RC3H2: variants seen among roughly 807,000 people sequenced by gnomAD.
RC3H2 encodes ring finger and CCCH-type domains 2.
In RC3H2, 31 loss-of-function variants were observed where a neutral mutation model predicts 133.3. The ratio of observed to expected loss-of-function variants is 0.23; its 90% CI spans 0.17 to 0.31. RC3H2 has a LOEUF of 0.31. Among genes scored for constraint, RC3H2 ranks in the 10% least tolerant of loss-of-function variants. The probability of loss-of-function intolerance (pLI) is 1.00; values close to 1 mark genes in which losing one functional copy is unlikely to be tolerated. For synonymous variants in RC3H2, 517 were observed against 502.2 expected (o/e 1.03, Z -0.40); for missense variants, 1,175 against 1,437.2 (o/e 0.82, Z 2.95).
At chr9:122,852,422 C>A (rs1361358283) in intron 18 of RC3H2, among the ~76,000 whole-genome samples, 1 of 147,928 alleles carries the variant, frequency 6.8e-6, no homozygotes, top group Non-Finnish European at 1.5e-5. Context: ...GTCAGCCCCC[C>A]GCCTGGCCAG....
chr9:122,866,132 T>A (rs1830639667), intron 9 of RC3H2, among the ~76,000 whole-genome samples: 1 of 152,228 alleles, frequency 6.6e-6, no homozygotes, highest in South Asian at 2.1e-4. Context: ...TTATATAATT[T>A]AAAAAAATAA....
At chr9:122,858,136 G>A in intron 12 of RC3H2, 43 bp from the exon 13 acceptor site, 2 of 1,557,710 alleles carry the variant, frequency 1.3e-6, no homozygotes, top group Non-Finnish European at 1.8e-6. Flanking sequence ...TCTAGGGAGT[G>A]GTGAATAAAT....
chr9:122,890,168 A>T lies in RC3H2; in HGVS notation c.583+144T>A, dbSNP rs865880272. On this transcript the variant is annotated intron_variant, in intron 4 of 20. Coordinates refer to ENST00000357244, the MANE Select transcript of RC3H2 (RefSeq NM_001100588.3). ...ACAAAACAAAACAGCAATAACAACA[A>T]CAACAAAAACAAATTTATCTTTAAT... is the stretch of plus-strand genomic sequence containing the variant. 8.6e-6 allele frequency: 6 copies of T among 694,236 alleles called. No individual in the cohort carries two copies. The Middle Eastern group carries it at 1.7e-3, about 198-fold the overall frequency. 43.0% of individuals were successfully genotyped at this position (694,236 alleles called of 1,614,324 possible).
intron 9 of RC3H2, among the ~76,000 whole-genome samples, chr9:122,867,893 G>C (rs1307628379): frequency 7.6e-5 from 4 of 52,340 alleles, no homozygotes; most frequent in Admixed American, 6.5e-4. Context: ...GGAGGGAGGT[G>C]GGGGGGTCAG....
chr9:122,858,693 T>C lies in RC3H2; in HGVS notation c.2259A>G (p.Pro753=). The C allele has an allele frequency of 1.2e-6, 2 of 1,611,498 alleles. No homozygotes were observed. Among genetic ancestry groups the C allele is most frequent in the Non-Finnish European group, 1.7e-6 (2 of 1,179,526 alleles). Residue 753 remains proline, a synonymous_variant, in exon 12 of 21, where the codon CCA becomes CCG. Transcript: ENST00000357244. The stretch of plus-strand genomic sequence containing the variant: ...CCCTTGGTAAAGGCACAGTTGTCCT[T>C]GGCTCACTTGGTGGCTGACAAGCCA... ...YSVACQPPSE[P]RTTVPLPREP... is the part of the protein sequence containing the mutation.
chr9:122,904,167 A>G (rs1305509206), intron 1 of RC3H2, among the ~76,000 whole-genome samples: 1 of 152,172 alleles, frequency 6.6e-6, no homozygotes, highest in African/African-American at 2.4e-5. Flanking sequence ...CACAATGGGT[A>G]GGGGGAGAGT....
At position 122,858,000 on chromosome 9, in the gene RC3H2, CAA is replaced by C; in HGVS notation, c.2375_2376del (p.Leu792ArgfsTer37). 6.2e-7 allele frequency: 1 copy of C among 1,614,138 alleles called. No individual in the cohort carries two copies. Among genetic ancestry groups the C allele is most frequent in the Non-Finnish European group, 8.5e-7 (1 of 1,179,962 alleles). On this transcript the variant is annotated frameshift_variant, in exon 13 of 21. Transcript: ENST00000357244. LOFTEE classifies it high-confidence loss of function. ...GTTGCCACAGGAAGAGTTGAAGAGA[CAA>C]GAGGTGCTTTCTGAGTGTGGTACTG... ...WAQYHTQKAPLVSSTLPVATQ... is the reference protein window; with the variant it reads ...WAQYHTQKAPXVSSTLPVATQ...
intron 4 of RC3H2, chr9:122,890,071 G>A: frequency 1.7e-6 from 1 of 596,094 alleles, no homozygotes; most frequent in South Asian, 2.1e-5. Flanking sequence ...GAGCATGGAT[G>A]TCGAGGCTGC....
At chr9:122,857,503 G>C (rs184768268) in intron 13 of RC3H2, among the ~76,000 whole-genome samples, 1 of 152,226 alleles carries the variant, frequency 6.6e-6, no homozygotes, top group East Asian at 1.9e-4. Context: ...GAAAGATCTT[G>C]GGCAAATTAC....
rs758718291 is a variant in RC3H2, at chr9:122,865,404, C to G, written c.1579G>C (p.Val527Leu). 6 of 1,614,036 alleles carry G rather than the reference C, an allele frequency of 3.7e-6. No homozygotes were observed. The African/African-American group carries it at 5.3e-5, about 14-fold the overall frequency. The change falls in exon 10 of 21, where the codon GTT (valine) becomes CTT (leucine). Residue 527 changes from valine (V) to leucine (L), a missense_variant. Val to Leu is a conservative substitution (Grantham distance 32). This residue lies in a region of RC3H2 where 490 missense variants were observed against 492.8 expected (regional missense o/e 0.99). Transcript: ENST00000357244. ...ALETVKKVGKVGANGQNAAGP... is the reference protein window; with the variant it reads ...ALETVKKVGKLGANGQNAAGP... ...GCAGCATTCTGACCATTAGCGCCAA[C>G]CTTTCCCACTTTCTTCACGGTCTCC... is the stretch of plus-strand genomic sequence containing the variant.
chr9:122,889,368 G>A (rs964434641), intron 4 of RC3H2, among the ~76,000 whole-genome samples: 5 of 151,690 alleles, frequency 3.3e-5, no homozygotes, highest in African/African-American at 7.3e-5. Flanking sequence ...GATTTCTGAC[G>A]TTTGTAATTT....
chr9:122,875,201 G>C (rs1231629691), intron 9 of RC3H2: 1 of 1,550,882 alleles, frequency 6.4e-7, no homozygotes, highest in African/African-American at 1.4e-5. Context: ...CACTTCAAGT[G>C]GGGAAAAAAA....
intron 11 of RC3H2, 52 bp downstream of exon 11, chr9:122,859,865 T>A (rs1830390564): frequency 7.3e-7 from 1 of 1,363,794 alleles, no homozygotes; most frequent in African/African-American, 1.4e-5. Flanking sequence ...CATTCATTTA[T>A]CTAAAGGAAA....
rs543643687 is a variant in RC3H2, at chr9:122,886,241, T to C, written c.584-2862A>G. On this transcript the variant is annotated intron_variant, in intron 4 of 20. Transcript: ENST00000357244. ...ACATGCAGCATGTATCAGTATTTAT[T>C]CCTTTTATGGCTGAGGAATAGCCTA... Among the ~76,000 whole-genome samples, 4 of 152,350 alleles carry C rather than the reference T, an allele frequency of 2.6e-5. No homozygotes were observed. The East Asian group carries it at 7.7e-4, about 29-fold the overall frequency.
intron 13 of RC3H2, 111 bp from the exon 14 acceptor site, chr9:122,855,989 T>G (rs1830233591): frequency 2.6e-6 from 2 of 770,708 alleles, no homozygotes; most frequent in African/African-American, 1.8e-5. Context: ...AGCAAACAAT[T>G]ATACTTTTTC....
intron 10 of RC3H2, 63 bp downstream of exon 10, chr9:122,865,286 A>C (rs1387810834): frequency 7.2e-7 from 1 of 1,392,588 alleles, no homozygotes; most frequent in African/African-American, 1.4e-5. Flanking sequence ...CAGAAATAAA[A>C]ACACTCAGGC....
Position 122,857,985 on chromosome 9 carries a change from G to A in RC3H2, c.2392C>T (p.Pro798Ser). The change falls in exon 13 of 21, where the codon CCT (proline) becomes TCT (serine). Residue 798 changes from proline to serine, a missense_variant. By Grantham distance (74) the Pro-to-Ser change is moderately conservative (BLOSUM62 -1). Coordinates refer to ENST00000357244, the MANE Select transcript of RC3H2 (RefSeq NM_001100588.3). ...GGTGTTGGTGACTGTGTTGCCACAG[G>A]AAGAGTTGAAGAGACAAGAGGTGCT... ...QKAPLVSSTLPVATQSPTPPS... is the reference protein window; with the variant it reads ...QKAPLVSSTLSVATQSPTPPS... 1.2e-6 allele frequency: 2 copies of A among 1,614,178 alleles called. No individual in the cohort carries two copies. Among genetic ancestry groups the A allele is most frequent in the Non-Finnish European group, 1.7e-6 (2 of 1,179,976 alleles).
At chr9:122,874,382 A>T (rs1355246351) in intron 9 of RC3H2, 1 of 152,146 alleles carries the variant, frequency 6.6e-6, no homozygotes, top group Non-Finnish European at 1.5e-5. Flanking sequence ...ATATAGGAAG[A>T]TACTGGATAA....
chr9:122,874,448 G>C (rs1161752488), intron 9 of RC3H2: 2 of 151,994 alleles, frequency 1.3e-5, no homozygotes, highest in East Asian at 3.8e-4. Flanking sequence ...CTAAAAATGT[G>C]ACCAATAATT....
Sources: allele counts gnomAD v4.1 joint callset (sites outside exome capture counted in the v4.1 genomes callset), GRCh38; gene constraint gnomAD v4.1.1; regional missense constraint gnomAD v4.1.1; transcripts MANE v1.5; gene names NCBI Gene and HGNC (gene_info 2026-07-23, HGNC 2026-07-21).